The following PCDHA6 variants were observed in gnomAD, a reference collection of about 807,000 sequenced individuals.
The protein encoded by PCDHA6 is protocadherin alpha 6, also known as protocadherin alpha-6.
Under a neutral mutation model 60.3 loss-of-function variants are expected in PCDHA6, and 55 were observed. That is an observed-to-expected ratio of 0.91 (90% confidence interval 0.73 to 1.14). The LOEUF (loss-of-function observed/expected upper bound fraction) is 1.14, where lower values mean the gene tolerates loss of function less well. Ranked by LOEUF, PCDHA6 falls within the 50% of genes most tolerant of loss-of-function variation. The pLI is 0.00. For synonymous variants in PCDHA6, 652 were observed against 557.9 expected (o/e 1.17, Z -2.38); for missense variants, 1,327 against 1,256.5 (o/e 1.06, Z -0.85).
chr5:140,974,440 C>T (rs782138345), intron 1 of PCDHA6, among the ~76,000 whole-genome samples: 7 of 152,182 alleles, frequency 4.6e-5, no homozygotes, highest in Admixed American at 1.3e-4. Context: ...TGTAAATTAG[C>T]ATTTTAAATG....
intron 1 of PCDHA6, among the ~76,000 whole-genome samples, chr5:140,924,969 A>C (rs781957377): frequency 5.3e-5 from 8 of 151,756 alleles, no homozygotes. Flanking sequence ...AGGTGAGTGC[A>C]GTGGCTCATG....
At chr5:140,836,475 G>C in intron 1 of PCDHA6, 1 of 1,613,846 alleles carries the variant, frequency 6.2e-7, no homozygotes, top group Non-Finnish European at 8.5e-7. Context: ...GGATGTCAAC[G>C]TGTACCTGAT....
chr5:140,875,731 A>C, intron 1 of PCDHA6: 14 of 1,614,150 alleles, frequency 8.7e-6, no homozygotes, highest in Non-Finnish European at 1.0e-5. Context: ...TTTGTTTGTG[A>C]ATTCTCGGAT....
At chr5:140,985,373 C>T (rs1228293287) in intron 3 of PCDHA6, among the ~76,000 whole-genome samples, 1 of 152,106 alleles carries the variant, frequency 6.6e-6, no homozygotes, top group Non-Finnish European at 1.5e-5. Flanking sequence ...TTATCTGGGT[C>T]TATATAATCC....
chr5:140,929,166 C>T (rs782695019), intron 1 of PCDHA6: 1 of 1,614,146 alleles, frequency 6.2e-7, no homozygotes, highest in Non-Finnish European at 8.5e-7. Context: ...TCTATCGGGC[C>T]TCTCTGGGAC....
intron 1 of PCDHA6, chr5:140,927,432 C>T: frequency 5.6e-6 from 9 of 1,614,124 alleles, no homozygotes; most frequent in Non-Finnish European, 5.9e-6. Flanking sequence ...TTGACGGCAG[C>T]GAATACCCGG....
At position 140,883,968 on chromosome 5, in the gene PCDHA6, C is replaced by G. The variant is rs201548026; in HGVS notation, c.2394+53483C>G. 34 of 1,613,020 alleles carry G rather than the reference C, an allele frequency of 2.1e-5. No homozygotes were observed. The East Asian group carries it at 7.4e-4, about 35-fold the overall frequency. ...AACGACAACGCTCCGGCGCTGCTGACGCCCGGGGCTGGCAGCGCGGGAGGC... is the reference window on the plus strand; with the variant it reads ...AACGACAACGCTCCGGCGCTGCTGAGGCCCGGGGCTGGCAGCGCGGGAGGC... On this transcript the variant is annotated intron_variant, in intron 1 of 3. Coordinates refer to ENST00000529310, the MANE Select transcript of PCDHA6 (RefSeq NM_018909.4).
At chr5:140,874,881 C>T (rs1316593398) in intron 1 of PCDHA6, among the ~76,000 whole-genome samples, 3 of 152,102 alleles carry the variant, frequency 2.0e-5, no homozygotes, top group Non-Finnish European at 2.9e-5. Context: ...AATACAAATT[C>T]CTAACTTTCT....
intron 1 of PCDHA6, chr5:140,875,303 C>T (rs2055408923): frequency 2.1e-6 from 3 of 1,414,848 alleles, no homozygotes; most frequent in Admixed American, 2.9e-5. Context: ...TTTTTCTCCG[C>T]ACCCACATTC....
At chr5:140,869,837 C>G (rs374182289) in intron 1 of PCDHA6, 1 of 1,611,484 alleles carries the variant, frequency 6.2e-7, no homozygotes, top group African/African-American at 1.3e-5. Context: ...TTTGATAAAT[C>G]AGAATATAAG....
In PCDHA6 at chr5:140,855,883, A is replaced by G. The variant is rs2043659343; in HGVS notation, c.2394+25398A>G. 3.2e-6 allele frequency: 3 copies of G among 946,140 alleles called. 1 individual carries two copies. Among genetic ancestry groups the G allele is most frequent in the African/African-American group, 3.3e-5 (2 of 60,716 alleles). 58.6% of individuals were successfully genotyped at this position (946,140 alleles called of 1,614,324 possible). On this transcript the variant is annotated intron_variant, in intron 1 of 3. Coordinates refer to ENST00000529310, the MANE Select transcript of PCDHA6 (RefSeq NM_018909.4). The stretch of plus-strand genomic sequence containing the variant: ...GCTGTCGTCCACAAAATAGCTTTTT[A>G]GAACAAAGGCATCAGCCAGTTTCTC...
rs1769546184 is a variant in PCDHA6, at chr5:140,828,135, T to C, written c.44T>C (p.Leu15Pro). Residue 15 changes from leucine to proline, a missense_variant, in exon 1 of 4, where the codon CTC (leucine) becomes CCC (proline). Physicochemically the swap from Leu to Pro is moderately conservative, Grantham distance 98. Coordinates refer to ENST00000529310, the MANE Select transcript of PCDHA6 (RefSeq NM_018909.4). ...GATAGATTGGGAAAGCAATGTCTGCTCCTCCCGCTTCTGCTCCTCGCAGCC... is the reference window on the plus strand; with the variant it reads ...GATAGATTGGGAAAGCAATGTCTGCCCCTCCCGCTTCTGCTCCTCGCAGCC... ...PEDRLGKQCL[L>P]LPLLLLAAWK... 2 of 1,613,866 alleles carry C rather than the reference T, an allele frequency of 1.2e-6. No homozygotes were observed. The highest frequency in any genetic ancestry group is 4.5e-5 in the East Asian group (2 of 44,886).
At chr5:140,869,100 TGCGATGTTTGGTTTTCAGAGAAGG>T (rs1554162487) in intron 1 of PCDHA6, 1 of 1,596,924 alleles carries the variant, frequency 6.3e-7, no homozygotes, top group South Asian at 1.1e-5. Flanking sequence ...CAATTTCGTA[TGCGATGTTTGGTTTTCAGAGAAGG>T]GGATTGGGCA....
rs2150150737 is a variant in PCDHA6 at position 140,828,082 on chromosome 5, G to A, written c.-10G>A. The A allele has an allele frequency of 2.9e-5, 46 of 1,582,796 alleles. No homozygotes were observed. The highest frequency in any genetic ancestry group is 3.7e-5 in the Non-Finnish European group (43 of 1,164,944). On this transcript the variant is annotated 5_prime_UTR_variant, in exon 1 of 4. Transcript: ENST00000529310. ...ATCTTCTAATGGAAATAAAACCAGA[G>A]GTATTTGACATGGTGTTTACCCCGG...
chr5:140,973,936 G>A (rs2096608372), intron 1 of PCDHA6, among the ~76,000 whole-genome samples: 1 of 152,334 alleles, frequency 6.6e-6, no homozygotes, highest in Admixed American at 6.5e-5. Context: ...AGGTTTAGCT[G>A]AATATGATGG....
At chr5:140,834,013 C>T (rs1286053645) in intron 1 of PCDHA6, among the ~76,000 whole-genome samples, 3 of 152,146 alleles carry the variant, frequency 2.0e-5, no homozygotes, top group East Asian at 1.9e-4. Context: ...TCTGGTAACA[C>T]TGAGTATTCA....
chr5:140,839,338 AG>A (rs2150296431), intron 1 of PCDHA6, among the ~76,000 whole-genome samples: 1 of 151,246 alleles, frequency 6.6e-6, no homozygotes, highest in Non-Finnish European at 1.5e-5. Context: ...TGAAGTTGAT[AG>A]GGGATCCTCC....
chr5:140,891,430 A>G (rs1422502424), intron 1 of PCDHA6, among the ~76,000 whole-genome samples: 1 of 141,772 alleles, frequency 7.1e-6, no homozygotes, highest in Non-Finnish European at 1.5e-5. Flanking sequence ...CCAAGTCCCC[A>G]ACGTCCATTG....
intron 1 of PCDHA6, chr5:140,926,518 C>T (rs1584446348): frequency 4.9e-6 from 1 of 202,636 alleles, no homozygotes; most frequent in Non-Finnish European, 9.8e-6. Context: ...CAGGCTCCGC[C>T]CTGCGCCCGC....
Sources: gnomAD v4.1 joint callset for allele counts (sites outside exome capture counted in the v4.1 genomes callset) on GRCh38, gnomAD v4.1.1 for gene constraint, MANE v1.5 for transcripts, NCBI Gene and HGNC (gene_info 2026-07-23, HGNC 2026-07-21) for gene names.